THOC2: variants seen among roughly 807,000 people sequenced by gnomAD.
THOC2 encodes THO complex subunit 2.
Under a neutral mutation model 128.4 loss-of-function variants are expected in THOC2, and 10 were observed. The ratio of observed to expected loss-of-function variants is 0.08; its 90% CI spans 0.05 to 0.13. The LOEUF (loss-of-function observed/expected upper bound fraction) is 0.13, where lower values mean the gene tolerates loss of function less well. Ranked by LOEUF, THOC2 falls within the 10% of genes least tolerant of loss-of-function variation. THOC2 has a pLI of 1.00. For synonymous variants in THOC2, 393 were observed against 396.9 expected (o/e 0.99, Z 0.12); for missense variants, 535 against 1,155.7 (o/e 0.46, Z 7.79).
chrX:123,640,894 T>C (rs1323765257), intron 15 of THOC2, among the ~76,000 whole-genome samples: 1 of 111,730 alleles, frequency 9.0e-6, no homozygotes, highest in Admixed American at 9.5e-5. Context: ...TAATAATCAG[T>C]AAAACTCTTA....
At chrX:123,676,647 C>T (rs2049509640) in intron 8 of THOC2, among the ~76,000 whole-genome samples, 1 of 111,833 alleles carries the variant, frequency 8.9e-6, no homozygotes. Flanking sequence ...CCTATTGATG[C>T]CATTTATGGA....
rs146816820 is a variant in THOC2 at position 123,650,256 on chromosome X, C to G, written c.1387-4881G>C. Among the ~76,000 whole-genome samples, 632 of 111,777 alleles carry G rather than the reference C, an allele frequency of 5.7e-3. 4 individuals are homozygous for G. The highest frequency in any genetic ancestry group is 0.023 in the Middle Eastern group (5 of 217). ...AAAATCCTTTACAGTCAAGCAAATG[C>G]TGAGAGATTATGTCACTACCAGGCC... On this transcript the variant is annotated intron_variant, in intron 12 of 38. Transcript: ENST00000245838.
intron 12 of THOC2, among the ~76,000 whole-genome samples, chrX:123,654,781 A>C (rs1462705472): frequency 9.3e-6 from 1 of 107,028 alleles, no homozygotes; most frequent in African/African-American, 3.4e-5. Context: ...AAAAAAAAAA[A>C]AAAGTTTGAA....
chrX:123,682,404 A>C (rs1326326601), intron 8 of THOC2, among the ~76,000 whole-genome samples: 1 of 111,381 alleles, frequency 9.0e-6, no homozygotes, highest in Non-Finnish European at 1.9e-5. Context: ...CTCATCTCCT[A>C]CTGTTCTACT....
intron 13 of THOC2, 60 bp downstream of exon 13, chrX:123,645,274 T>G: frequency 1.2e-6 from 1 of 814,385 alleles, no homozygotes; most frequent in Non-Finnish European, 1.7e-6. Flanking sequence ...CAGTAAAATT[T>G]GTAATATACT....
chrX:123,652,260 T>C (rs550572579), intron 12 of THOC2, among the ~76,000 whole-genome samples: 1 of 111,497 alleles, frequency 9.0e-6, no homozygotes, highest in East Asian at 2.8e-4. Flanking sequence ...CTCAATAAAC[T>C]AGGTATCGAT....
chrX:123,671,910 G>A (rs925464747), intron 8 of THOC2, 149 bp from the exon 9 acceptor site: 4 of 322,679 alleles, frequency 1.2e-5, no homozygotes, highest in Non-Finnish European at 1.6e-5. Flanking sequence ...CCAAATATCT[G>A]AATTCAGTAC....
In THOC2 at chrX:123,627,730, T is replaced by C. The variant is rs991073315; in HGVS notation, c.2720A>G (p.Lys907Arg). The C allele has an allele frequency of 1.7e-6, 2 of 1,211,575 alleles. No homozygotes were observed. Among genetic ancestry groups the C allele is most frequent in the Non-Finnish European group, 2.2e-6 (2 of 895,399 alleles). The part of the protein sequence containing the change: ...TSYEREVNKL[K>R]VQMKAIDDNQ... ...GTCATCAATTGCTTTCATCTGGACT[T>C]TAAGTTTATTGACTTCTCGTTCATA... Residue 907 changes from lysine (K) to arginine (R), a missense_variant, in exon 23 of 39, where the codon AAA (lysine) becomes AGA (arginine). By Grantham distance (26) the Lys-to-Arg change is conservative. Coordinates refer to ENST00000245838, the MANE Select transcript of THOC2 (RefSeq NM_001081550.2).
At chrX:123,686,289 A>G (rs886764035) in intron 8 of THOC2, among the ~76,000 whole-genome samples, 12 of 111,508 alleles carry the variant, frequency 1.1e-4, no homozygotes, top group Non-Finnish European at 2.3e-4. Flanking sequence ...TTAAAAAAAG[A>G]CACATCTATA....
At chrX:123,640,007 G>A (rs989143448) in intron 16 of THOC2, among the ~76,000 whole-genome samples, 1 of 110,978 alleles carries the variant, frequency 9.0e-6, no homozygotes, top group African/African-American at 3.3e-5. Flanking sequence ...CCAACATGGT[G>A]AAACCACATC....
intron 8 of THOC2, among the ~76,000 whole-genome samples, chrX:123,679,951 C>T (rs979284760): frequency 3.6e-5 from 4 of 112,308 alleles, no homozygotes; most frequent in Non-Finnish European, 3.8e-5. Context: ...GCACACAAAA[C>T]ACTGCGGAAG....
chrX:123,681,674 G>A (rs1248168703), intron 8 of THOC2, among the ~76,000 whole-genome samples: 4 of 112,089 alleles, frequency 3.6e-5, no homozygotes, highest in Admixed American at 9.5e-5. Context: ...TAAAAGAGAC[G>A]AAGAATCTTG....
chrX:123,680,654 C>T (rs1312272691), intron 8 of THOC2, among the ~76,000 whole-genome samples: 4 of 111,121 alleles, frequency 3.6e-5, no homozygotes, highest in Admixed American at 9.6e-5. Context: ...CGATTATCTA[C>T]ACTTGGATGT....
At chrX:123,615,680 C>CACAA (rs1556007961) in intron 33 of THOC2, among the ~76,000 whole-genome samples, 5 of 107,788 alleles carry the variant, frequency 4.6e-5, no homozygotes, top group African/African-American at 1.7e-4. Flanking sequence ...CACACACACA[C>CACAA]AACCCTTATT....
Position 123,657,960 on chromosome X carries a change from CGTGTGTGTGTGT to C in THOC2, c.1386+7670_1386+7681del, listed in dbSNP as rs60969537. On this transcript the variant is annotated intron_variant, in intron 12 of 38. Coordinates refer to ENST00000245838, the MANE Select transcript of THOC2 (RefSeq NM_001081550.2). The stretch of plus-strand genomic sequence containing the variant: ...ATGTATTTGATTACATACGCATATG[CGTGTGTGTGTGT>C]GTGTGTGTGTGTGTGTGTGTGTGTG... 2.5e-3 allele frequency among the ~76,000 whole-genome samples: 238 copies of C among 94,804 alleles called. 1 individual carries two copies. The highest frequency in any genetic ancestry group is 3.7e-3 in the African/African-American group (96 of 25,940). The allele number at this position is 94,804 out of a possible 115,157, so 82.3% of individuals were successfully genotyped here. A position where few individuals can be genotyped will look rare whatever the true frequency, so the allele number is the denominator to read the frequency against.
Position 123,697,732 on chromosome X carries a change from T to A in THOC2, c.294A>T (p.Leu98Phe). 9.3e-7 allele frequency: 1 copy of A among 1,080,661 alleles called. No individual in the cohort carries two copies. Among genetic ancestry groups the A allele is most frequent in the Non-Finnish European group, 1.3e-6 (1 of 795,403 alleles). The allele number at this position is 1,080,661 out of a possible 1,213,427, so 89.1% of individuals were successfully genotyped here. The change falls in exon 5 of 39, where the codon TTA becomes TTT. Residue 98 changes from leucine to phenylalanine, a missense_variant. This residue lies in a region of THOC2 where 61 missense variants were observed against 84.3 expected (regional missense o/e 0.72). Coordinates refer to ENST00000245838, the MANE Select transcript of THOC2 (RefSeq NM_001081550.2). ...FCILDIETNC[L>F]EEKSKRDYFT... is the part of the protein sequence containing the mutation. ...AATAGTCTCTCTTGCTTTTTTCTTCTAAACAATTTGTCTCAATGTCTATAA... is the reference window on the plus strand; with the variant it reads ...AATAGTCTCTCTTGCTTTTTTCTTCAAAACAATTTGTCTCAATGTCTATAA...
intron 12 of THOC2, among the ~76,000 whole-genome samples, chrX:123,659,178 A>G (rs1230994126): frequency 8.9e-6 from 1 of 112,173 alleles, no homozygotes; most frequent in Non-Finnish European, 1.9e-5. Context: ...GGCCAGGAGC[A>G]TCAACATCAC....
chrX:123,628,763 T>C (rs187059718), intron 22 of THOC2, among the ~76,000 whole-genome samples: 215 of 109,276 alleles, frequency 2.0e-3, no homozygotes, highest in Middle Eastern at 4.7e-3. Flanking sequence ...AGAAAAGTTA[T>C]GAGAAATTTG....
At chrX:123,677,429 C>G (rs1462137708) in intron 8 of THOC2, among the ~76,000 whole-genome samples, 3 of 112,061 alleles carry the variant, frequency 2.7e-5, no homozygotes, top group African/African-American at 9.7e-5. Context: ...AGCTTAGTTA[C>G]TGTAACTTTC....
Sources: allele counts gnomAD v4.1 joint callset (sites outside exome capture counted in the v4.1 genomes callset), GRCh38; gene constraint gnomAD v4.1.1; regional missense constraint gnomAD v4.1.1; transcripts MANE v1.5; gene names NCBI Gene and HGNC (gene_info 2026-07-23, HGNC 2026-07-21).